Variants in CRABP2 observed in about 807,000 individuals in gnomAD.
The protein encoded by CRABP2 is cellular retinoic acid binding protein 2, also known as cellular retinoic acid-binding protein 2.
A neutral mutation model predicts 17.9 loss-of-function variants in CRABP2; 20 were observed. That is an observed-to-expected ratio of 1.12 (90% CI 0.79 to 1.63). The LOEUF (loss-of-function observed/expected upper bound fraction) is 1.63, where lower values mean the gene tolerates loss of function less well. CRABP2 is among the 40% of genes most tolerant of loss of function. The pLI is 0.00. For missense variants in CRABP2, 151 were observed against 168.6 expected (o/e 0.90, Z 0.58); for synonymous variants, 76 against 66.4 (o/e 1.14, Z -0.70).
rs1356415551 is a variant in CRABP2, at chr1:156,705,249, C to T, written c.70+128G>A. The T allele has an allele frequency of 4.8e-6, 5 of 1,042,312 alleles. No individual in the cohort carries two copies. The highest frequency in any genetic ancestry group is 4.8e-5 in the East Asian group (2 of 41,738). 64.6% of individuals were successfully genotyped at this position (1,042,312 alleles called of 1,614,324 possible). A position where few individuals can be genotyped will look rare whatever the true frequency, so the allele number is the denominator to read the frequency against. ...AGCCCCGGGACCCGGACGCCTGGCACGTTTTTCGGGGATGCAGGCACCCAG... is the reference window on the plus strand; with the variant it reads ...AGCCCCGGGACCCGGACGCCTGGCATGTTTTTCGGGGATGCAGGCACCCAG... On this transcript the variant is annotated intron_variant, in intron 1 of 3. Transcript: ENST00000368222. This position sits in a 1 kb window ranked among gnomAD's most constrained non-coding sequence, Gnocchi z 5.2.
chr1:156,701,092 T>C (rs1441905587), intron 1 of CRABP2, 40 bp from the exon 2 acceptor site: 1 of 1,599,018 alleles, frequency 6.3e-7, no homozygotes, highest in Non-Finnish European at 8.5e-7. Context: ...TAGGGGCCTT[T>C]GGGCACCTCT....
At chr1:156,704,053 G>T (rs1046912192) in intron 1 of CRABP2, among the ~76,000 whole-genome samples, 5 of 152,152 alleles carry the variant, frequency 3.3e-5, no homozygotes, top group African/African-American at 1.2e-4. Flanking sequence ...TTCAGCTGGG[G>T]CCTGGGGGTG....
chr1:156,703,342 A>G (rs1440233013), intron 1 of CRABP2, among the ~76,000 whole-genome samples: 1 of 152,008 alleles, frequency 6.6e-6, no homozygotes, highest in East Asian at 1.9e-4. Flanking sequence ...CTCCCCAGTT[A>G]TTAACCGAAG....
chr1:156,702,550 A>C (rs1164718439), intron 1 of CRABP2, among the ~76,000 whole-genome samples: 1 of 152,030 alleles, frequency 6.6e-6, no homozygotes, highest in African/African-American at 2.4e-5. Context: ...AGGTGGGTGG[A>C]TCATCTGAGG....
intron 1 of CRABP2, 116 bp from the exon 2 acceptor site, chr1:156,701,168 G>A: frequency 8.5e-7 from 1 of 1,173,404 alleles, no homozygotes; most frequent in Non-Finnish European, 1.2e-6. Context: ...TGGGTGTGTT[G>A]GGGGGTGCAT....
rs1233954483 is a variant in CRABP2, at chr1:156,705,426, G to A, written c.21C>T (p.Asn7=). ...AGTTTTCCGATCGGATGATTTTCCA[G>A]TTGCCAGAGAAGTTGGGCATGGTGG... The part of the protein sequence containing the change: MPNFSG[N]WKIIRSENFE... The change falls in exon 1 of 4, where the codon AAC becomes AAT. Residue 7 remains asparagine (N), a synonymous_variant. Transcript: ENST00000368222. This position sits in a 1 kb window ranked among gnomAD's most constrained non-coding sequence, Gnocchi z 5.2. 5 of 1,614,168 alleles carry A rather than the reference G, an allele frequency of 3.1e-6. No homozygotes were observed. The East Asian group carries it at 6.7e-5, about 22-fold the overall frequency.
rs371988053 is a variant in CRABP2, at chr1:156,699,796, C to T, written c.*230G>A. 14 of 543,388 alleles carry T rather than the reference C, an allele frequency of 2.6e-5. No homozygotes were observed. Among genetic ancestry groups the T allele is most frequent in the Non-Finnish European group, 3.6e-5 (11 of 301,662 alleles). 33.7% of individuals were successfully genotyped at this position (543,388 alleles called of 1,614,324 possible). A position where few individuals can be genotyped will look rare whatever the true frequency, so the allele number is the denominator to read the frequency against. On this transcript the variant is annotated 3_prime_UTR_variant, in exon 4 of 4. Transcript: ENST00000368222. ...GACTTGGGGAGGCGGGGAGTGAACCCGGAATGGGTGATCTGGGCTCTTGCA... is the reference window on the plus strand; with the variant it reads ...GACTTGGGGAGGCGGGGAGTGAACCTGGAATGGGTGATCTGGGCTCTTGCA...
Position 156,699,986 on chromosome 1 carries a change from GC to G in CRABP2, c.*39del. ...GCAGTGAAGCAGGGCGGTGAGCATG[GC>G]CAGTGGTGGGCTTCGGCCGCGGTTC... On this transcript the variant is annotated 3_prime_UTR_variant, in exon 4 of 4. Transcript: ENST00000368222. 1 of 1,601,500 alleles carries G rather than the reference GC, an allele frequency of 6.2e-7. No homozygotes were observed. Among genetic ancestry groups the G allele is most frequent in the Non-Finnish European group, 8.5e-7 (1 of 1,173,216 alleles).
In CRABP2 at chr1:156,700,883, C is replaced by A; in HGVS notation, c.240G>T (p.Arg80Ser). The A allele has an allele frequency of 6.2e-7, 1 of 1,613,686 alleles. No homozygotes were observed. The highest frequency in any genetic ancestry group is 1.1e-5 in the South Asian group (1 of 91,026). Residue 80 changes from arginine (R) to serine (S), a missense_variant, in exon 2 of 4, where the codon AGG (arginine) becomes AGT (serine). Arg to Ser is a moderately radical substitution (Grantham distance 110). Transcript: ENST00000368222. ...CCCTTCTGGCACTCACCTTACAGGG[C>A]CTCCCATCCACAGTCTGCTCCTCAA... ...EEFEEQTVDG[R>S]PCKSLVKWES...
chr1:156,702,151 A>AAAAAC (rs1239363333), intron 1 of CRABP2, among the ~76,000 whole-genome samples: 2 of 152,042 alleles, frequency 1.3e-5, no homozygotes, highest in African/African-American at 2.4e-5. Context: ...ACCCTGTCTC[A>AAAAAC]AAAACAAAAC....
chr1:156,704,220 G>A (rs571852909), intron 1 of CRABP2, among the ~76,000 whole-genome samples: 8 of 152,338 alleles, frequency 5.3e-5, no homozygotes, highest in African/African-American at 1.4e-4. Flanking sequence ...AAGAAGTATT[G>A]TGGTTAGATC....
chr1:156,700,018 G>T lies in CRABP2; in HGVS notation c.*8C>A, dbSNP rs756888911. 15 of 1,612,608 alleles carry T rather than the reference G, an allele frequency of 9.3e-6. No homozygotes were observed. The Admixed American group carries it at 2.3e-4, about 25-fold the overall frequency. ...GTGGGCTTCGGCCGCGGTTCTACCT[G>T]TGGCCACTCACTCTCGGACGTAGAC... On this transcript the variant is annotated 3_prime_UTR_variant, in exon 4 of 4. Transcript: ENST00000368222.
At chr1:156,705,710 T>A, upstream of CRABP2, 1 of 454,000 alleles carries the variant, frequency 2.2e-6, no homozygotes, top group South Asian at 3.8e-5. This position sits in a 1 kb window ranked among gnomAD's most constrained non-coding sequence, Gnocchi z 5.2. Context: ...GCCACCAACC[T>A]CTGGATCTAG....
Position 156,703,384 on chromosome 1 carries a change from AG to A in CRABP2, c.70+1992del, listed in dbSNP as rs1648096302. 1.6e-4 allele frequency among the ~76,000 whole-genome samples: 24 copies of A among 152,274 alleles called. 1 individual carries two copies. The South Asian group carries it at 5.0e-3, about 32-fold the overall frequency. On this transcript the variant is annotated intron_variant, in intron 1 of 3. Coordinates refer to ENST00000368222, the MANE Select transcript of CRABP2 (RefSeq NM_001878.4). ...AGATAGGAGACAGCACCCCTCTGAA[AG>A]GAAGACGTGCAGAGCAGGGGGCCTC...
intron 1 of CRABP2, among the ~76,000 whole-genome samples, chr1:156,704,749 T>G (rs1433114279): frequency 6.6e-6 from 1 of 152,056 alleles, no homozygotes; most frequent in Non-Finnish European, 1.5e-5. Context: ...CCTAGCGATT[T>G]TAGAACTCTG....
In CRABP2 at chr1:156,701,016, G is replaced by A. The variant is rs749390011; in HGVS notation, c.107C>T (p.Ala36Val). ...GATCTCCACTGCTGGCTTGGACGCTGCAGCCACAGCAATCTTCCTCAGCAT... is the reference window on the plus strand; with the variant it reads ...GATCTCCACTGCTGGCTTGGACGCTACAGCCACAGCAATCTTCCTCAGCAT... ...NVMLRKIAVAAASKPAVEIKQ... is the reference protein window; with the variant it reads ...NVMLRKIAVAVASKPAVEIKQ... Residue 36 changes from alanine to valine, a missense_variant, in exon 2 of 4, where the codon GCA (alanine) becomes GTA (valine). Transcript: ENST00000368222. 3 of 1,614,124 alleles carry A rather than the reference G, an allele frequency of 1.9e-6. No homozygotes were observed. The highest frequency in any genetic ancestry group is 2.5e-6 in the Non-Finnish European group (3 of 1,180,020).
Position 156,701,187 on chromosome 1 carries a change from T to C in CRABP2, c.71-135A>G, listed in dbSNP as rs1393079720. 3 of 920,124 alleles carry C rather than the reference T, an allele frequency of 3.3e-6. No individual in the cohort carries two copies. In the East Asian group the frequency reaches 7.9e-5, roughly 24 times the overall value. 57.0% of individuals were successfully genotyped at this position (920,124 alleles called of 1,614,324 possible). A position where few individuals can be genotyped will look rare whatever the true frequency, so the allele number is the denominator to read the frequency against. On this transcript the variant is annotated intron_variant, in intron 1 of 3. Transcript: ENST00000368222. ...TGTGTTGGGGGGTGCATCTGCCTGG[T>C]GCCTGGGTGTCTAAGAAAGTGCCTT...
At chr1:156,700,426 GCAGGGT>G (rs1647993492) in intron 3 of CRABP2, 110 bp downstream of exon 3, 1 of 800,958 alleles carries the variant, frequency 1.2e-6, no homozygotes, top group African/African-American at 1.7e-5. Flanking sequence ...AGTCCCATCA[GCAGGGT>G]GCGGAGTCCA....
intron 1 of CRABP2, among the ~76,000 whole-genome samples, chr1:156,703,228 AC>A (rs1648092675): frequency 6.6e-6 from 1 of 151,558 alleles, no homozygotes; most frequent in Non-Finnish European, 1.5e-5. Context: ...CTTCTTCAGG[AC>A]CCCCCACTCC....
Sources: allele counts gnomAD v4.1 joint callset (sites outside exome capture counted in the v4.1 genomes callset), GRCh38; gene constraint gnomAD v4.1.1; non-coding constraint Gnocchi (gnomAD v3.1); transcripts MANE v1.5; gene names NCBI Gene and HGNC (gene_info 2026-07-23, HGNC 2026-07-21).